The following FARP2 variants were observed in gnomAD, a reference collection of about 807,000 sequenced individuals.
FARP2 encodes FERM, ARH/RhoGEF and pleckstrin domain protein 2, also known as FERM, ARHGEF and pleckstrin domain-containing protein 2.
In FARP2, 111 loss-of-function variants were observed where a neutral mutation model predicts 130.5. That is an observed-to-expected ratio of 0.85 (90% CI 0.73 to 1.00). The LOEUF is 1.00. FARP2 is among the 50% of genes least tolerant of loss of function. FARP2 has a pLI of 0.00. For synonymous variants in FARP2, 504 were observed against 516.9 expected, an observed-to-expected ratio of 0.98 and a Z score of 0.34; for missense variants, 1,385 against 1,346.3, an observed-to-expected ratio of 1.03 and a Z score of -0.45.
chr2:241,493,557 GAGCAATGCTTCCAGCATTTCCAAAAAAC>G, intron 26 of FARP2, 113 bp downstream of exon 26: 1 of 929,570 alleles, frequency 1.1e-6, no homozygotes, highest in Non-Finnish European at 1.7e-6. Context: ...AGGAAGGGCT[GAGCAATGCTTCCAGCATTTCCAAAAAAC>G]AGCAATGCTT....
intron 12 of FARP2, among the ~76,000 whole-genome samples, chr2:241,438,690 C>T (rs889170345): frequency 2.1e-5 from 3 of 144,926 alleles, no homozygotes; most frequent in Middle Eastern, 3.3e-3. Context: ...AGTGCAGTGG[C>T]GCGATCTTGG....
chr2:241,414,776 T>A (rs1376912317), intron 7 of FARP2, among the ~76,000 whole-genome samples: 1 of 152,184 alleles, frequency 6.6e-6, no homozygotes, highest in Non-Finnish European at 1.5e-5. Flanking sequence ...GCTCATACGC[T>A]GTGAGCTGAA....
intron 1 of FARP2, among the ~76,000 whole-genome samples, chr2:241,367,595 G>C (rs1479917582): frequency 6.6e-6 from 1 of 152,136 alleles, no homozygotes; most frequent in Admixed American, 6.5e-5. Context: ...TGAGTGTAGT[G>C]AAATATTAAG....
At position 241,493,502 on chromosome 2, in the gene FARP2, C is replaced by T. The variant is rs1016063308; in HGVS notation, c.3047+58C>T. The T allele has an allele frequency of 3.5e-5, 54 of 1,538,646 alleles. No homozygotes were observed. In the Admixed American group the frequency reaches 8.9e-4, roughly 25 times the overall value. On this transcript the variant is annotated intron_variant, in intron 26 of 26. Transcript: ENST00000264042. ...CCCATTTCGATGTCCGCTCAGCTCC[C>T]ATTTCTACTCATGGTGGTGGAGGCA...
In FARP2 at chr2:241,404,780, T is replaced by C. The variant is rs779700515; in HGVS notation, c.289-19T>C. On this transcript the variant is annotated intron_variant, in intron 3 of 26. Transcript: ENST00000264042. ...ACATTATTTAATAGATTGGATTTCT[T>C]CTGTTAACTCTTCTTTAGATTTGGC... 19 of 1,577,504 alleles carry C rather than the reference T, an allele frequency of 1.2e-5. No homozygotes were observed. Among genetic ancestry groups the C allele is most frequent in the Non-Finnish European group, 1.4e-5 (16 of 1,147,556 alleles).
intron 1 of FARP2, among the ~76,000 whole-genome samples, chr2:241,367,921 A>G (rs2061349619): frequency 6.6e-6 from 1 of 151,476 alleles, no homozygotes; most frequent in African/African-American, 2.4e-5. Context: ...TTTTAGGTTA[A>G]TAGCAAAATT....
chr2:241,436,599 A>G lies in FARP2; in HGVS notation c.1158+61A>G, dbSNP rs1054649119. 17 of 1,281,936 alleles carry G rather than the reference A, an allele frequency of 1.3e-5. No individual in the cohort carries two copies. The African/African-American group carries it at 1.9e-4, about 14-fold the overall frequency. The allele number at this position is 1,281,936 out of a possible 1,614,324, so 79.4% of individuals were successfully genotyped here. ...AGTTCCCTGTACTCTTTTGGAAAAT[A>G]GTCTGTCAGTATTGTAACAAGAGTC... On this transcript the variant is annotated intron_variant, in intron 12 of 26. Coordinates refer to ENST00000264042, the MANE Select transcript of FARP2 (RefSeq NM_014808.4).
At chr2:241,390,851 T>C (rs989991555) in intron 2 of FARP2, among the ~76,000 whole-genome samples, 8 of 152,236 alleles carry the variant, frequency 5.3e-5, no homozygotes, top group Non-Finnish European at 1.2e-4. Context: ...TTGGTTTAAA[T>C]GTCTAACCAT....
At chr2:241,422,626 T>C (rs1196803450) in intron 8 of FARP2, among the ~76,000 whole-genome samples, 1 of 152,112 alleles carries the variant, frequency 6.6e-6, no homozygotes, top group East Asian at 1.9e-4. Context: ...GAGGCTGAGA[T>C]AGCATTATTG....
chr2:241,361,039 A>C (rs1422352688), intron 1 of FARP2, among the ~76,000 whole-genome samples: 1 of 151,912 alleles, frequency 6.6e-6, no homozygotes. Context: ...AAAAAAAAAA[A>C]AAACACACAT....
chr2:241,402,872 A>ATATG (rs2062223604), intron 2 of FARP2, among the ~76,000 whole-genome samples: 1 of 11,926 alleles, frequency 8.4e-5, no homozygotes, highest in Non-Finnish European at 1.4e-4. Flanking sequence ...ATATATATAT[A>ATATG]TATATATATT....
At chr2:241,410,798 T>G in intron 5 of FARP2, 2 of 467,316 alleles carry the variant, frequency 4.3e-6, no homozygotes, top group Non-Finnish European at 7.9e-6. Flanking sequence ...CGCTCTCCCA[T>G]GTGTGTGACT....
chr2:241,491,622 C>T lies in FARP2; in HGVS notation c.2730C>T (p.His910=), dbSNP rs770450806. 2.9e-5 allele frequency: 46 copies of T among 1,613,480 alleles called. No homozygotes were observed. The highest frequency in any genetic ancestry group is 1.7e-4 in the Admixed American group (10 of 59,988). ...AGCACCGGGCCAACACCACAATGCA[C>T]GTGTGCTGGTACCGGAACACCAGCG... ...HGQHRANTTM[H]VCWYRNTSVS... The change falls in exon 24 of 27, where the codon CAC becomes CAT. Residue 910 remains histidine (H), a synonymous_variant. Coordinates refer to ENST00000264042, the MANE Select transcript of FARP2 (RefSeq NM_014808.4).
Position 241,493,374 on chromosome 2 carries a change from T to TATG in FARP2, c.2978_2980dup (p.Tyr993_Val994insAsp). On this transcript the variant is annotated inframe_insertion, in exon 26 of 27. Transcript: ENST00000264042. The stretch of plus-strand genomic sequence containing the variant: ...GGAGGCCGATGGCATACACAAAGAC[T>TATG]ATGTTTTCAAGCTCCAGTTCAAATC... 1 of 1,613,994 alleles carries TATG rather than the reference T, an allele frequency of 6.2e-7. No homozygotes were observed.
intron 13 of FARP2, among the ~76,000 whole-genome samples, chr2:241,450,774 A>G (rs1417956645): frequency 1.3e-5 from 2 of 152,126 alleles, no homozygotes; most frequent in Non-Finnish European, 2.9e-5. Context: ...AACATGGCAA[A>G]AACTGTCTCT....
chr2:241,464,773 C>T (rs1210286251), intron 17 of FARP2, among the ~76,000 whole-genome samples: 4 of 152,134 alleles, frequency 2.6e-5, no homozygotes, highest in African/African-American at 9.7e-5. Flanking sequence ...ACCCTCAGAA[C>T]AGGGTCTCCT....
At chr2:241,432,805 G>A (rs1450514313) in intron 9 of FARP2, among the ~76,000 whole-genome samples, 1 of 152,200 alleles carries the variant, frequency 6.6e-6, no homozygotes, top group Non-Finnish European at 1.5e-5. Flanking sequence ...ATAAAAAGTA[G>A]ATTTGCCAAG....
At chr2:241,380,631 A>G (rs1207905071) in intron 2 of FARP2, among the ~76,000 whole-genome samples, 4 of 151,764 alleles carry the variant, frequency 2.6e-5, no homozygotes, top group African/African-American at 7.3e-5. Flanking sequence ...TCATGTTGGC[A>G]CTAAAATTTT....
chr2:241,373,618 G>C (rs1238616434), intron 2 of FARP2, among the ~76,000 whole-genome samples: 1 of 152,168 alleles, frequency 6.6e-6, no homozygotes, highest in East Asian at 1.9e-4. Flanking sequence ...CCTGGTCTCA[G>C]CGAGGCCCAG....
Sources: gnomAD v4.1 joint callset for allele counts (sites outside exome capture counted in the v4.1 genomes callset) on GRCh38, gnomAD v4.1.1 for gene constraint, MANE v1.5 for transcripts, NCBI Gene and HGNC (gene_info 2026-07-23, HGNC 2026-07-21) for gene names.